The following NCOA2 variants were observed in gnomAD, a reference collection of about 807,000 sequenced individuals.
The protein encoded by NCOA2 is nuclear receptor coactivator 2.
NCOA2 carries 21 observed loss-of-function variants against 145.1 expected under a neutral mutation model. The observed-to-expected ratio is 0.14, with a 90% CI of 0.10 to 0.21. The LOEUF (loss-of-function observed/expected upper bound fraction) is 0.21. NCOA2 is among the 10% of genes least tolerant of loss of function. NCOA2 has a pLI of 1.00. For synonymous variants in NCOA2, 619 were observed against 637.5 expected (o/e 0.97, Z 0.44); for missense variants, 1,472 against 1,837.6 (o/e 0.80, Z 3.64).
chr8:70,223,833 G>T (rs1306851256), intron 2 of NCOA2, among the ~76,000 whole-genome samples: 1 of 152,150 alleles, frequency 6.6e-6, no homozygotes, highest in Non-Finnish European at 1.5e-5. Flanking sequence ...TGTAATGTGG[G>T]CATTAAAGGG....
intron 2 of NCOA2, among the ~76,000 whole-genome samples, chr8:70,232,870 T>TACACACACACACACACACAC (rs71275059): frequency 0.045 from 6,594 of 145,206 alleles, 197 homozygotes; most frequent in East Asian, 0.11. Flanking sequence ...ATTTAGAATT[T>TACACACACACACACACACAC]ACACACACAC....
At chr8:70,245,474 C>T (rs916564840) in intron 2 of NCOA2, 1 of 151,934 alleles carries the variant, frequency 6.6e-6, no homozygotes, top group African/African-American at 2.4e-5. Context: ...ACTGAGTAAG[C>T]CTCTACCCCT....
At chr8:70,261,163 T>C (rs1175704594) in intron 2 of NCOA2, among the ~76,000 whole-genome samples, 1 of 152,218 alleles carries the variant, frequency 6.6e-6, no homozygotes, top group Non-Finnish European at 1.5e-5. Context: ...ATATGTTTAT[T>C]GCGGCACTAT....
intron 1 of NCOA2, among the ~76,000 whole-genome samples, chr8:70,322,084 C>T (rs559037459): frequency 1.4e-4 from 22 of 151,862 alleles, no homozygotes; most frequent in Non-Finnish European, 2.9e-4. Context: ...CCATTGCACT[C>T]CAGCCTGGGC....
chr8:70,337,466 T>G (rs1357100546), intron 1 of NCOA2, among the ~76,000 whole-genome samples: 1 of 152,150 alleles, frequency 6.6e-6, no homozygotes, highest in African/African-American at 2.4e-5. Context: ...GAGACTCGAA[T>G]AGTGATCCTA....
intron 1 of NCOA2, among the ~76,000 whole-genome samples, chr8:70,317,946 GTTTTCAAAAAAA>G (rs1395912666): frequency 1.3e-5 from 2 of 151,804 alleles, no homozygotes; most frequent in Non-Finnish European, 2.9e-5. Context: ...AAAAAATGAA[GTTTTCAAAAAAA>G]ATTGTTTATT....
intron 15 of NCOA2, among the ~76,000 whole-genome samples, chr8:70,134,250 G>A (rs184201447): frequency 3.9e-5 from 6 of 152,318 alleles, no homozygotes; most frequent in Non-Finnish European, 5.9e-5. Flanking sequence ...TCAGGAGAGG[G>A]AGAAACCACT....
At chr8:70,449,864 G>A in the NCOA2 span, among the ~76,000 whole-genome samples, 4 of 152,200 alleles carry the variant, frequency 2.6e-5, no homozygotes, top group African/African-American at 7.2e-5. Context: ...AGCAATAAAA[G>A]TGCTTTTAGG....
Position 70,246,171 on chromosome 8 carries a change from A to G in NCOA2, c.-19-29407T>C, listed in dbSNP as rs555384024. Reference sequence around the variant, plus strand: ...GTACCTGACACACAGAGGCTGCTCCATGTTTTTTTTAAATGTCCTTAGTAA... The same window carrying G: ...GTACCTGACACACAGAGGCTGCTCCGTGTTTTTTTTAAATGTCCTTAGTAA... On this transcript the variant is annotated intron_variant, in intron 2 of 22. Coordinates refer to ENST00000452400, the MANE Select transcript of NCOA2 (RefSeq NM_006540.4). 2.9e-4 allele frequency among the ~76,000 whole-genome samples: 44 copies of G among 152,222 alleles called. 1 individual carries two copies. The South Asian group carries it at 8.9e-3, about 31-fold the overall frequency.
intron 2 of NCOA2, among the ~76,000 whole-genome samples, chr8:70,295,098 A>G (rs1255081011): frequency 6.6e-6 from 1 of 152,218 alleles, no homozygotes; most frequent in Non-Finnish European, 1.5e-5. Flanking sequence ...CAAGAACCCA[A>G]TAACAACTGA....
the NCOA2 span, among the ~76,000 whole-genome samples, chr8:70,415,969 A>AT: frequency 1.3e-5 from 2 of 152,152 alleles, no homozygotes; most frequent in South Asian, 4.1e-4. Flanking sequence ...AAAGCCAAAC[A>AT]TTTTTGTATT....
chr8:70,382,268 G>C (rs908392541), intron 1 of NCOA2, among the ~76,000 whole-genome samples: 2 of 151,972 alleles, frequency 1.3e-5, no homozygotes, highest in Non-Finnish European at 1.5e-5. Flanking sequence ...GTGCCCCGAG[G>C]CCAGGAGGAG....
the NCOA2 span, among the ~76,000 whole-genome samples, chr8:70,428,386 G>T: frequency 1.3e-5 from 2 of 152,154 alleles, no homozygotes; most frequent in African/African-American, 4.8e-5. Context: ...CTTGAGCCTG[G>T]GAGGTTGAGG....
intron 1 of NCOA2, among the ~76,000 whole-genome samples, chr8:70,323,846 G>A (rs890918562): frequency 8.5e-5 from 13 of 152,100 alleles, no homozygotes; most frequent in Admixed American, 2.6e-4. Flanking sequence ...AGAATAATAT[G>A]TATATACAAA....
At chr8:70,424,044 T>G in the NCOA2 span, 1 of 156,560 alleles carries the variant, frequency 6.4e-6, no homozygotes, top group African/African-American at 2.4e-5. Flanking sequence ...TATTTAATGT[T>G]TAGAGCAGGG....
At chr8:70,186,300 T>G (rs1175100548) in intron 4 of NCOA2, among the ~76,000 whole-genome samples, 1 of 152,202 alleles carries the variant, frequency 6.6e-6, no homozygotes, top group African/African-American at 2.4e-5. Flanking sequence ...AGAAACAGAT[T>G]CTGTTCAAAT....
intron 21 of NCOA2, 198 bp downstream of exon 21, chr8:70,123,686 G>T: frequency 2.3e-6 from 1 of 437,778 alleles, no homozygotes; most frequent in Middle Eastern, 6.0e-4. Flanking sequence ...AAGCAGTCAG[G>T]AATCCTTTCT....
rs79816351 is a variant in NCOA2, at chr8:70,371,910, G to C, written c.-77+31790C>G. Among the ~76,000 whole-genome samples the C allele has an allele frequency of 5.9e-3, 892 of 152,112 alleles. 5 individuals carry two copies. Among genetic ancestry groups the C allele is most frequent in the African/African-American group, 0.02 (833 of 41,490 alleles). On this transcript the variant is annotated intron_variant, in intron 1 of 22. Transcript: ENST00000452400. ...ATTATTAGATAATATAACAAAGTAC[G>C]TTCATCTGATGTCTAATAAGTAAAA... is the stretch of plus-strand genomic sequence containing the variant.
chr8:70,143,908 T>C (rs1810739874), intron 13 of NCOA2, among the ~76,000 whole-genome samples: 1 of 152,206 alleles, frequency 6.6e-6, no homozygotes, highest in Non-Finnish European at 1.5e-5. Context: ...ATATCCATAA[T>C]AAAAATATGT....
Sources: allele counts gnomAD v4.1 joint callset (sites outside exome capture counted in the v4.1 genomes callset), GRCh38; gene constraint gnomAD v4.1.1; transcripts MANE v1.5; gene names NCBI Gene and HGNC (gene_info 2026-07-23, HGNC 2026-07-21).